The following CDH4 variants were observed in gnomAD, a reference collection of about 807,000 sequenced individuals.
CDH4 encodes cadherin 4, also known as cadherin-4.
Under a neutral mutation model 86.0 loss-of-function variants are expected in CDH4, and 33 were observed. The observed-to-expected ratio is 0.38, with a 90% CI of 0.29 to 0.51. The LOEUF (loss-of-function observed/expected upper bound fraction) is 0.51, where lower values mean the gene tolerates loss of function less well. CDH4 is among the 20% of genes least tolerant of loss of function. The probability of loss-of-function intolerance (pLI) is 0.86; values close to 1 mark genes in which losing one functional copy is unlikely to be tolerated. For missense variants in CDH4, 1,114 were observed against 1,307.4 expected, an observed-to-expected ratio of 0.85 and a Z score of 2.28; for synonymous variants, 555 against 549.4, an observed-to-expected ratio of 1.01 and a Z score of -0.14.
intron 2 of CDH4, among the ~76,000 whole-genome samples, chr20:61,317,070 T>C (rs2084480628): frequency 6.6e-6 from 1 of 152,068 alleles, no homozygotes; most frequent in Non-Finnish European, 1.5e-5. Flanking sequence ...TTTAGAAATC[T>C]GAATACCATG....
chr20:61,564,676 C>G (rs2086249939), intron 2 of CDH4, among the ~76,000 whole-genome samples: 1 of 152,176 alleles, frequency 6.6e-6, no homozygotes, highest in Non-Finnish European at 1.5e-5. Flanking sequence ...ATAAATTACC[C>G]AGCCTCAGGT....
At chr20:61,753,888 C>G (rs2088527667) in intron 3 of CDH4, among the ~76,000 whole-genome samples, 2 of 152,116 alleles carry the variant, frequency 1.3e-5, no homozygotes, top group African/African-American at 4.8e-5. Flanking sequence ...TATTGAAATC[C>G]TAACCTCAGA....
chr20:61,339,668 G>T (rs1336753299), intron 2 of CDH4, among the ~76,000 whole-genome samples: 1 of 152,282 alleles, frequency 6.6e-6, no homozygotes, highest in Non-Finnish European at 1.5e-5. Context: ...GGACTTTGTG[G>T]TAGGTTATGA....
intron 2 of CDH4, among the ~76,000 whole-genome samples, chr20:61,465,657 T>C (rs758456668): frequency 3.3e-5 from 5 of 152,190 alleles, no homozygotes; most frequent in African/African-American, 4.8e-5. Flanking sequence ...ATGGCTATAT[T>C]TTAATTTTGA....
intron 2 of CDH4, among the ~76,000 whole-genome samples, chr20:61,367,500 C>A (rs186740459): frequency 2.0e-5 from 3 of 152,242 alleles, no homozygotes; most frequent in African/African-American, 4.8e-5. Context: ...ACTGACCCAA[C>A]CTTGAGCAGC....
chr20:61,666,960 G>A (rs974182134), intron 2 of CDH4, among the ~76,000 whole-genome samples: 5 of 152,226 alleles, frequency 3.3e-5, no homozygotes, highest in African/African-American at 9.6e-5. Flanking sequence ...TCCCTCACCC[G>A]CACACCCGGT....
chr20:61,327,903 G>A (rs1299352508), intron 2 of CDH4, among the ~76,000 whole-genome samples: 1 of 152,166 alleles, frequency 6.6e-6, no homozygotes, highest in African/African-American at 2.4e-5. Context: ...AGGATCAGGT[G>A]TAGTTTTATG....
intron 2 of CDH4, among the ~76,000 whole-genome samples, chr20:61,499,149 G>A (rs923189217): frequency 1.3e-5 from 2 of 152,226 alleles, no homozygotes; most frequent in African/African-American, 4.8e-5. Flanking sequence ...CCTGCACTGT[G>A]GCTGTGGAGG....
rs1325804691 is a variant in CDH4, at chr20:61,684,901, T to G, written c.170-58662T>G. Among the ~76,000 whole-genome samples, 1 of 151,818 alleles carries G rather than the reference T, an allele frequency of 6.6e-6. No individual in the cohort carries two copies. Among genetic ancestry groups the G allele is most frequent in the African/African-American group, 2.4e-5 (1 of 41,154 alleles). ...TATTTCTAACCACGTTATTAAGATA[T>G]AAAAACTTACCGTGAAATTCCCCTG... On this transcript the variant is annotated intron_variant, in intron 2 of 15. Coordinates refer to ENST00000614565, the MANE Select transcript of CDH4 (RefSeq NM_001794.5). The surrounding 1 kb of genome is among the most constrained non-coding windows in gnomAD (Gnocchi z 4.5).
intron 2 of CDH4, among the ~76,000 whole-genome samples, chr20:61,318,111 C>A (rs181248069): frequency 6.6e-6 from 1 of 152,126 alleles, no homozygotes; most frequent in African/African-American, 2.4e-5. Flanking sequence ...GGAGGTGGGA[C>A]CCATGCGCCC....
intron 2 of CDH4, among the ~76,000 whole-genome samples, chr20:61,646,281 C>T (rs542195718): frequency 6.6e-6 from 1 of 152,150 alleles, no homozygotes; most frequent in Non-Finnish European, 1.5e-5. Flanking sequence ...ACACTCTGGT[C>T]CCCAGGCCTT....
At chr20:61,335,022 C>T (rs1412710432) in intron 2 of CDH4, among the ~76,000 whole-genome samples, 3 of 152,194 alleles carry the variant, frequency 2.0e-5, no homozygotes, top group Admixed American at 6.5e-5. Flanking sequence ...ATGATGACAG[C>T]GATGATGCGG....
chr20:61,934,125 C>A lies in CDH4; in HGVS notation c.2449C>A (p.Arg817Ser), dbSNP rs759379228. The change falls in exon 15 of 16, where the codon CGT becomes AGT. Residue 817 changes from arginine (R) to serine (S), a missense_variant. Arg to Ser is a moderately radical substitution (Grantham distance 110, BLOSUM62 -1). Coordinates refer to ENST00000614565, the MANE Select transcript of CDH4 (RefSeq NM_001794.5). Reference sequence around the variant, plus strand: ...CGTGCCAAGCAAAGCCCCTGGCGTGCGTCGCGTGGATGAGCGGCCGGTGGG... The same window carrying A: ...CGTGCCAAGCAAAGCCCCTGGCGTGAGTCGCGTGGATGAGCGGCCGGTGGG... ...GHVPSKAPGV[R>S]RVDERPVGAE... is the part of the protein sequence containing the mutation. 1.9e-6 allele frequency: 3 copies of A among 1,611,164 alleles called. No individual in the cohort carries two copies. The highest frequency in any genetic ancestry group is 2.2e-5 in the East Asian group (1 of 44,840).
intron 2 of CDH4, among the ~76,000 whole-genome samples, chr20:61,685,724 T>C (rs73915325): frequency 0.074 from 11,230 of 152,264 alleles, 1,379 homozygotes; most frequent in African/African-American, 0.26. Context: ...ACTCAGAGCA[T>C]CCGAGGCACC....
At chr20:61,772,888 T>A in intron 3 of CDH4, 115 bp from the exon 4 acceptor site, 4 of 841,924 alleles carry the variant, frequency 4.8e-6, no homozygotes, top group Non-Finnish European at 6.9e-6. Flanking sequence ...GTCCCAGCGT[T>A]ACCCGCCTTC....
intron 2 of CDH4, among the ~76,000 whole-genome samples, chr20:61,399,566 C>T (rs763381172): frequency 6.6e-6 from 1 of 152,312 alleles, no homozygotes; most frequent in African/African-American, 2.4e-5. Flanking sequence ...TCAGCCTTTG[C>T]ACCCCCTCTG....
intron 2 of CDH4, among the ~76,000 whole-genome samples, chr20:61,635,160 G>T (rs2086933748): frequency 6.6e-6 from 1 of 151,996 alleles, no homozygotes; most frequent in Non-Finnish European, 1.5e-5. Flanking sequence ...CTGCTGAGAA[G>T]TTGAATTGCT....
chr20:61,640,245 G>A (rs1046659745), intron 2 of CDH4, among the ~76,000 whole-genome samples: 1 of 152,246 alleles, frequency 6.6e-6, no homozygotes, highest in East Asian at 1.9e-4. Flanking sequence ...GGCCTGGTGA[G>A]ACTGGAAGCC....
chr20:61,605,903 A>C (rs1568709536), intron 2 of CDH4, among the ~76,000 whole-genome samples: 1 of 151,822 alleles, frequency 6.6e-6, no homozygotes, highest in African/African-American at 2.4e-5. Flanking sequence ...AAAAAAAAAA[A>C]AACAGGAAAC....
Sources: allele counts gnomAD v4.1 joint callset (sites outside exome capture counted in the v4.1 genomes callset), GRCh38; gene constraint gnomAD v4.1.1; non-coding constraint Gnocchi (gnomAD v3.1); transcripts MANE v1.5; gene names NCBI Gene and HGNC (gene_info 2026-07-23, HGNC 2026-07-21).